The following LRRC37A2 variants were observed in gnomAD, a reference collection of about 807,000 sequenced individuals.
LRRC37A2 encodes the protein leucine-rich repeat-containing protein 37A2.
LRRC37A2 carries 9 observed loss-of-function variants against 68.8 expected under a neutral mutation model. The observed-to-expected ratio is 0.13, with a 90% CI of 0.08 to 0.23. The LOEUF is 0.23. Among genes scored for constraint, LRRC37A2 ranks in the 10% least tolerant of loss-of-function variants. LRRC37A2 has a pLI of 1.00. For synonymous variants in LRRC37A2, 63 were observed against 367.6 expected (o/e 0.17, Z 9.48); for missense variants, 168 against 950.4 (o/e 0.18, Z 10.82).
At chr17:46,900,059 C>T in the LRRC37A2 span, among the ~76,000 whole-genome samples, 1 of 150,438 alleles carries the variant, frequency 6.6e-6, no homozygotes, top group Non-Finnish European at 1.5e-5. Context: ...CAGCACAGTG[C>T]CTGGGGTACA....
At chr17:46,850,850 GCT>G in the LRRC37A2 span, among the ~76,000 whole-genome samples, 95 of 151,864 alleles carry the variant, frequency 6.3e-4, no homozygotes, top group African/African-American at 2.2e-3. Context: ...CTCCCGCAGG[GCT>G]CTGTCTGCCC....
chr17:46,905,003 G>A, the LRRC37A2 span, among the ~76,000 whole-genome samples: 3 of 152,098 alleles, frequency 2.0e-5, no homozygotes, highest in East Asian at 1.9e-4. Context: ...GCAGGTCTCC[G>A]CTTGTTCCAA....
the LRRC37A2 span, among the ~76,000 whole-genome samples, chr17:46,977,135 G>A: frequency 1.3e-5 from 2 of 152,126 alleles, no homozygotes; most frequent in African/African-American, 4.8e-5. Context: ...CTGTGCCTTC[G>A]AGAAACTCCC....
chr17:46,866,446 ATGTG>A, the LRRC37A2 span, among the ~76,000 whole-genome samples: 3 of 151,426 alleles, frequency 2.0e-5, no homozygotes, highest in Non-Finnish European at 4.4e-5. Flanking sequence ...ATGAATGTGG[ATGTG>A]TGTGTGAGGG....
the LRRC37A2 span, among the ~76,000 whole-genome samples, chr17:46,791,229 T>TC: frequency 6.6e-6 from 1 of 151,974 alleles, no homozygotes; most frequent in African/African-American, 2.4e-5. Context: ...TTTTTTTTTT[T>TC]CTGAGACAGA....
chr17:46,868,118 G>A, the LRRC37A2 span, among the ~76,000 whole-genome samples: 1 of 152,196 alleles, frequency 6.6e-6, no homozygotes, highest in Non-Finnish European at 1.5e-5. Context: ...GGTGCAGCCT[G>A]ATAGAGTGGT....
At chr17:46,676,150 C>T in the LRRC37A2 span, among the ~76,000 whole-genome samples, 8 of 140,916 alleles carry the variant, frequency 5.7e-5, no homozygotes, top group East Asian at 4.7e-4. Flanking sequence ...TATCTGCTGC[C>T]ACCACAGGGA....
chr17:46,891,237 T>G, the LRRC37A2 span, among the ~76,000 whole-genome samples: 1 of 152,212 alleles, frequency 6.6e-6, no homozygotes, highest in Non-Finnish European at 1.5e-5. Flanking sequence ...GTGTAGCGCA[T>G]TCCTGTTTAC....
chr17:46,723,197 T>C, the LRRC37A2 span, among the ~76,000 whole-genome samples: 65 of 152,324 alleles, frequency 4.3e-4, no homozygotes, highest in Middle Eastern at 6.8e-3. Flanking sequence ...AGGAAAAACA[T>C]AGAACTACTG....
chr17:46,688,240 A>G, the LRRC37A2 span, among the ~76,000 whole-genome samples: 3 of 151,000 alleles, frequency 2.0e-5, no homozygotes, highest in Non-Finnish European at 4.4e-5. Flanking sequence ...GCTGGGCCCA[A>G]TGGCTCACGC....
the LRRC37A2 span, chr17:46,770,194 T>G: frequency 8.8e-7 from 1 of 1,137,658 alleles, no homozygotes; most frequent in East Asian, 2.6e-5. Context: ...GGAGGCAGCT[T>G]CCCCACCCTC....
chr17:46,804,829 TA>T, the LRRC37A2 span, among the ~76,000 whole-genome samples: 6 of 152,140 alleles, frequency 3.9e-5, no homozygotes, highest in African/African-American at 1.4e-4. Flanking sequence ...TAGAGGTTTG[TA>T]AAATGGACCA....
At chr17:46,773,727 C>T in the LRRC37A2 span, 1 of 1,610,902 alleles carries the variant, frequency 6.2e-7, no homozygotes, top group Non-Finnish European at 8.5e-7. Flanking sequence ...GCAGTTCCAG[C>T]GGCGGCCCCG....
At chr17:47,009,150 G>C in the LRRC37A2 span, among the ~76,000 whole-genome samples, 3 of 150,868 alleles carry the variant, frequency 2.0e-5, no homozygotes, top group East Asian at 1.9e-4. Flanking sequence ...AAAAAGCAAA[G>C]AAATTGTATG....
chr17:46,904,028 G>A, the LRRC37A2 span, among the ~76,000 whole-genome samples: 2 of 151,072 alleles, frequency 1.3e-5, no homozygotes, highest in African/African-American at 2.5e-5. Flanking sequence ...GTATGGGTGG[G>A]TGGATGGGGG....
the LRRC37A2 span, among the ~76,000 whole-genome samples, chr17:46,733,286 C>T: frequency 0.014 from 2,086 of 152,200 alleles, 27 homozygotes; most frequent in East Asian, 0.023. Flanking sequence ...GGCCAGGTAA[C>T]TCTTCCTGCA....
At chr17:46,496,621 CA>C in the LRRC37A2 span, among the ~76,000 whole-genome samples, 2 of 126,988 alleles carry the variant, frequency 1.6e-5, no homozygotes, top group Non-Finnish European at 3.2e-5. Flanking sequence ...AAAAAAAAAA[CA>C]AAACAAAACA....
intron 6 of LRRC37A2, among the ~76,000 whole-genome samples, chr17:46,539,490 CAG>C (rs2054875374): frequency 6.6e-6 from 1 of 151,398 alleles, no homozygotes; most frequent in African/African-American, 2.4e-5. Context: ...CAGCCAGCCG[CAG>C]TGGCTCATGC....
the LRRC37A2 span, among the ~76,000 whole-genome samples, chr17:46,687,489 C>T: frequency 6.9e-6 from 1 of 145,160 alleles, no homozygotes; most frequent in Non-Finnish European, 1.5e-5. Flanking sequence ...TGTCAGTCTT[C>T]CACCCTACAT....
Sources: gnomAD v4.1 joint callset for allele counts (sites outside exome capture counted in the v4.1 genomes callset) on GRCh38, gnomAD v4.1.1 for gene constraint, MANE v1.5 for transcripts, NCBI Gene and HGNC (gene_info 2026-07-23, HGNC 2026-07-21) for gene names.